Variants in R3HDM1 observed in about 807,000 individuals in gnomAD.
R3HDM1 encodes R3H domain-containing protein 1.
A neutral mutation model predicts 141.1 loss-of-function variants in R3HDM1; 46 were observed. The ratio of observed to expected loss-of-function variants is 0.33; its 90% CI spans 0.26 to 0.42. R3HDM1 has a LOEUF of 0.42. Ranked by LOEUF, R3HDM1 falls within the 10% of genes least tolerant of loss-of-function variation. The pLI is 1.00. For missense variants in R3HDM1, 1,184 were observed against 1,368.3 expected (o/e 0.87, Z 2.12); for synonymous variants, 435 against 472.9 (o/e 0.92, Z 1.04).
intron 9 of R3HDM1, among the ~76,000 whole-genome samples, chr2:135,632,469 G>A (rs1283328269): frequency 6.6e-6 from 1 of 152,122 alleles, no homozygotes; most frequent in African/African-American, 2.4e-5. Flanking sequence ...TAAGAAAGTG[G>A]GACTGTTGGT....
chr2:135,709,378 A>G (rs2075355414), intron 21 of R3HDM1, 55 bp from the exon 22 acceptor site: 4 of 1,606,558 alleles, frequency 2.5e-6, no homozygotes, highest in Non-Finnish European at 3.4e-6. Flanking sequence ...AGCCCATTCA[A>G]GAATGTTTAT....
At chr2:135,578,014 CAT>C (rs1705887312) in intron 1 of R3HDM1, among the ~76,000 whole-genome samples, 1 of 152,242 alleles carries the variant, frequency 6.6e-6, no homozygotes, top group Admixed American at 6.5e-5. Context: ...AATAAATTGA[CAT>C]ATGCACTTAT....
intron 19 of R3HDM1, among the ~76,000 whole-genome samples, chr2:135,666,121 T>G (rs1409514070): frequency 6.6e-6 from 1 of 152,176 alleles, no homozygotes; most frequent in Non-Finnish European, 1.5e-5. Context: ...AGGATCCTGA[T>G]GAACGACACT....
chr2:135,576,060 TAGAA>T (rs1705350849), intron 1 of R3HDM1, among the ~76,000 whole-genome samples: 1 of 152,082 alleles, frequency 6.6e-6, no homozygotes, highest in African/African-American at 2.4e-5. Flanking sequence ...AGAAGTGGAA[TAGAA>T]AGCCCAGAAA....
chr2:135,710,301 T>G (rs563706917), intron 23 of R3HDM1, 70 bp downstream of exon 23: 1 of 1,464,746 alleles, frequency 6.8e-7, no homozygotes, highest in East Asian at 2.3e-5. Flanking sequence ...CTTATAAGGC[T>G]TGAATTTGAA....
At chr2:135,694,880 C>G (rs1215746744) in intron 21 of R3HDM1, among the ~76,000 whole-genome samples, 1 of 152,156 alleles carries the variant, frequency 6.6e-6, no homozygotes, top group Non-Finnish European at 1.5e-5. Flanking sequence ...CAGACACAAA[C>G]AATCCCTGGA....
At chr2:135,637,286 G>C (rs1245497565) in intron 11 of R3HDM1, among the ~76,000 whole-genome samples, 1 of 152,176 alleles carries the variant, frequency 6.6e-6, no homozygotes, top group African/African-American at 2.4e-5. Context: ...CAGGAGTGAA[G>C]AGTTCCAAGT....
chr2:135,674,938 G>GTT (rs113400095), intron 19 of R3HDM1, among the ~76,000 whole-genome samples: 6 of 124,412 alleles, frequency 4.8e-5, no homozygotes, highest in East Asian at 4.8e-4. Flanking sequence ...AATAGTTGTT[G>GTT]TTTTTTTTTT....
chr2:135,538,632 A>C (rs995391043), intron 1 of R3HDM1, among the ~76,000 whole-genome samples: 36 of 152,170 alleles, frequency 2.4e-4, no homozygotes, highest in African/African-American at 7.7e-4. Context: ...TTTGAGACGG[A>C]GTTTTGCTCT....
chr2:135,532,394 T>C (rs1398312083), intron 1 of R3HDM1, among the ~76,000 whole-genome samples: 6 of 152,158 alleles, frequency 3.9e-5, no homozygotes, highest in South Asian at 4.1e-4. Flanking sequence ...TGTGACTAGG[T>C]GCAAAGGGTG....
chr2:135,546,028 A>G (rs548519412), intron 1 of R3HDM1, among the ~76,000 whole-genome samples: 1 of 152,188 alleles, frequency 6.6e-6, no homozygotes, highest in African/African-American at 2.4e-5. Flanking sequence ...AGAATAGGGG[A>G]AGAGGAGATG....
chr2:135,561,706 G>A (rs1701828435), intron 1 of R3HDM1, among the ~76,000 whole-genome samples: 2 of 150,816 alleles, frequency 1.3e-5, no homozygotes. Context: ...TGACAAAAGT[G>A]AGGTCCTGTC....
chr2:135,630,281 C>CAAAAAAAAAAA (rs911009655), intron 7 of R3HDM1, among the ~76,000 whole-genome samples: 423 of 39,310 alleles, frequency 0.011, 10 homozygotes, highest in Non-Finnish European at 0.015. Context: ...CCTTCTCAAC[C>CAAAAAAAAAAA]AAAAAAAAAA....
At chr2:135,628,514 TG>T (rs1478100316) in intron 7 of R3HDM1, among the ~76,000 whole-genome samples, 1 of 152,242 alleles carries the variant, frequency 6.6e-6, no homozygotes, top group Non-Finnish European at 1.5e-5. Flanking sequence ...TGCATTTCAC[TG>T]AAGAACAATT....
chr2:135,575,489 A>G (rs1705196695), intron 1 of R3HDM1, among the ~76,000 whole-genome samples: 1 of 152,218 alleles, frequency 6.6e-6, no homozygotes, highest in African/African-American at 2.4e-5. Context: ...GCCCAACCCA[A>G]ACATTTTTGA....
chr2:135,653,310 T>G (rs1574727324), intron 18 of R3HDM1, among the ~76,000 whole-genome samples: 1 of 152,176 alleles, frequency 6.6e-6, no homozygotes, highest in Non-Finnish European at 1.5e-5. Context: ...GAGCTGAGAT[T>G]GAGCCACTGC....
At chr2:135,647,184 C>T (rs1574664908) in intron 16 of R3HDM1, among the ~76,000 whole-genome samples, 1 of 152,178 alleles carries the variant, frequency 6.6e-6, no homozygotes, top group East Asian at 1.9e-4. Context: ...CTCCCATATT[C>T]CCTTCCCAAT....
chr2:135,559,397 A>G (rs563136282), intron 1 of R3HDM1, among the ~76,000 whole-genome samples: 9 of 152,230 alleles, frequency 5.9e-5, no homozygotes, highest in Non-Finnish European at 1.3e-4. Context: ...GATTACAGGC[A>G]TGAGTCACCA....
At chr2:135,650,779 G>A (rs1221873780) in intron 17 of R3HDM1, 1 of 983,712 alleles carries the variant, frequency 1.0e-6, no homozygotes, top group Non-Finnish European at 1.2e-6. Flanking sequence ...CTTCTCCATA[G>A]CCGTAATTTA....
Sources: allele counts gnomAD v4.1 joint callset (sites outside exome capture counted in the v4.1 genomes callset), GRCh38; gene constraint gnomAD v4.1.1; transcripts MANE v1.5; gene names NCBI Gene and HGNC (gene_info 2026-07-23, HGNC 2026-07-21).